TTC39B: variants seen among roughly 807,000 people sequenced by gnomAD.
TTC39B encodes the protein tetratricopeptide repeat domain 39B.
A neutral mutation model predicts 96.6 loss-of-function variants in TTC39B; 92 were observed. The observed-to-expected ratio is 0.95, with a 90% CI of 0.80 to 1.13. The LOEUF (loss-of-function observed/expected upper bound fraction) is 1.13, where lower values mean the gene tolerates loss of function less well. Among genes scored for constraint, TTC39B ranks in the 50% most tolerant of loss-of-function variants. The probability of loss-of-function intolerance (pLI) is 0.00; values close to 1 mark genes in which losing one functional copy is unlikely to be tolerated. For missense variants in TTC39B, 955 were observed against 809.3 expected (o/e 1.18, Z -2.18); for synonymous variants, 367 against 299.4 (o/e 1.23, Z -2.33).
intron 3 of TTC39B, among the ~76,000 whole-genome samples, chr9:15,214,634 T>A (rs1820411429): frequency 6.6e-6 from 1 of 152,182 alleles, no homozygotes; most frequent in Admixed American, 6.5e-5. Context: ...TAAGTTAGTT[T>A]TCCTGAATTT....
chr9:15,171,054 G>A (rs1320176578), exon 20 of TTC39B: 2 of 152,174 alleles, frequency 1.3e-5, no homozygotes, highest in African/African-American at 2.4e-5. Context: ...ACCATATGGA[G>A]TGTCAAGCTC....
intron 16 of TTC39B, chr9:15,183,244 T>C (rs1262660712): frequency 6.0e-6 from 2 of 333,850 alleles, no homozygotes; most frequent in East Asian, 2.0e-4. Context: ...CTTTATCTTA[T>C]GGCACCGAAA....
chr9:15,188,243 T>C, intron 13 of TTC39B, 111 bp from the exon 14 acceptor site: 3 of 1,033,776 alleles, frequency 2.9e-6, no homozygotes, highest in South Asian at 1.8e-5. Flanking sequence ...TTATCACTCA[T>C]TAAACCTCTC....
At chr9:15,281,525 T>C (rs1823760006) in intron 1 of TTC39B, among the ~76,000 whole-genome samples, 1 of 150,848 alleles carries the variant, frequency 6.6e-6, no homozygotes, top group Admixed American at 6.6e-5. Flanking sequence ...AATCTGTCCT[T>C]TTGGGGCAAT....
At chr9:15,206,423 G>A (rs1480838631) in intron 6 of TTC39B, among the ~76,000 whole-genome samples, 2 of 152,230 alleles carry the variant, frequency 1.3e-5, no homozygotes, top group African/African-American at 4.8e-5. Flanking sequence ...CACAAAGTCT[G>A]TTTGGGTTGC....
At chr9:15,289,586 C>T (rs999836494) in intron 1 of TTC39B, among the ~76,000 whole-genome samples, 16 of 152,198 alleles carry the variant, frequency 1.1e-4, no homozygotes, top group African/African-American at 3.9e-4. Context: ...ACCTCGCAAG[C>T]CTACCTATAT....
At chr9:15,211,433 C>T (rs750902023) in intron 4 of TTC39B, 36 bp from the exon 5 acceptor site, 1 of 1,435,920 alleles carries the variant, frequency 7.0e-7, no homozygotes. Flanking sequence ...CATTTTAATT[C>T]AATGGAAATA....
intron 2 of TTC39B, among the ~76,000 whole-genome samples, chr9:15,250,444 T>G (rs1050652323): frequency 3.3e-5 from 5 of 152,182 alleles, no homozygotes; most frequent in African/African-American, 1.2e-4. Context: ...CCTTTTGTCT[T>G]AAGGAAAAAT....
At chr9:15,171,023 C>T (rs1042861490) in exon 20 of TTC39B, 1 of 152,156 alleles carries the variant, frequency 6.6e-6, no homozygotes, top group African/African-American at 2.4e-5. Context: ...TCACTAATCG[C>T]TAATGGGTAG....
At chr9:15,286,828 A>G (rs1296484847) in intron 1 of TTC39B, among the ~76,000 whole-genome samples, 1 of 152,148 alleles carries the variant, frequency 6.6e-6, no homozygotes, top group Non-Finnish European at 1.5e-5. Flanking sequence ...GCACTCAAGG[A>G]TTCCTATTAC....
At chr9:15,282,900 T>C (rs1823819548) in intron 1 of TTC39B, among the ~76,000 whole-genome samples, 1 of 152,234 alleles carries the variant, frequency 6.6e-6, no homozygotes, top group Non-Finnish European at 1.5e-5. Flanking sequence ...AAGCAAATTT[T>C]GTAAATTCAA....
chr9:15,185,808 G>T (rs1294761345), intron 15 of TTC39B, among the ~76,000 whole-genome samples: 1 of 152,224 alleles, frequency 6.6e-6, no homozygotes, highest in Non-Finnish European at 1.5e-5. Context: ...GATACTCAGG[G>T]AGAGAGAAGA....
At chr9:15,212,744 G>A (rs143047000) in intron 4 of TTC39B, among the ~76,000 whole-genome samples, 10 of 152,264 alleles carry the variant, frequency 6.6e-5, no homozygotes, top group African/African-American at 2.4e-4. Flanking sequence ...ACAAAAATCG[G>A]AGACTAACCT....
rs550164766 is a variant in TTC39B at position 15,188,722 on chromosome 9, T to C, written c.1234-590A>G. Among the ~76,000 whole-genome samples the C allele has an allele frequency of 5.6e-4, 70 of 125,100 alleles. 1 individual carries two copies. Among genetic ancestry groups the C allele is most frequent in the African/African-American group, 2.0e-3 (57 of 28,810 alleles). The allele number at this position is 125,100 out of a possible 152,430, so 82.1% of individuals were successfully genotyped here. A position where few individuals can be genotyped will look rare whatever the true frequency, so the allele number is the denominator to read the frequency against. On this transcript the variant is annotated intron_variant, in intron 13 of 19. Transcript: ENST00000512701. Reference sequence around the variant, plus strand: ...TAATGTCCTGAGCCAGCAAAGAGCATTGGAAAAAAATATTTTTATATGTTT... The same window carrying C: ...TAATGTCCTGAGCCAGCAAAGAGCACTGGAAAAAAATATTTTTATATGTTT...
At chr9:15,195,878 G>C (rs508190) in intron 8 of TTC39B, among the ~76,000 whole-genome samples, 2,207 of 152,160 alleles carry the variant, frequency 0.015, 63 homozygotes, top group African/African-American at 0.05. Context: ...TCAACGCCTG[G>C]CTTCAAAACT....
At chr9:15,270,931 T>A (rs1265728458) in intron 1 of TTC39B, among the ~76,000 whole-genome samples, 4 of 152,182 alleles carry the variant, frequency 2.6e-5, no homozygotes, top group Non-Finnish European at 5.9e-5. Flanking sequence ...ACTGAGTACC[T>A]ATCATGTGCC....
At chr9:15,188,275 C>T (rs1290928967) in intron 13 of TTC39B, 143 bp from the exon 14 acceptor site, 2 of 772,726 alleles carry the variant, frequency 2.6e-6, no homozygotes, top group African/African-American at 1.8e-5. Flanking sequence ...ATGTTCTTTT[C>T]CTTACAGGCA....
rs74544309 is a variant in TTC39B, at chr9:15,258,927, G to C, written c.275+8987C>G. 1.2e-3 allele frequency among the ~76,000 whole-genome samples: 187 copies of C among 152,178 alleles called. 1 individual carries two copies. In the East Asian group the frequency reaches 0.028, roughly 23 times the overall value. The stretch of plus-strand genomic sequence containing the variant: ...TTATAGGATCTATATCTTAAAACGT[G>C]TACTACACACATTCTCCTTCCCCCT... On this transcript the variant is annotated intron_variant, in intron 2 of 19. Coordinates refer to ENST00000512701, the Ensembl canonical transcript of TTC39B.
intron 1 of TTC39B, among the ~76,000 whole-genome samples, chr9:15,275,213 G>C (rs1016354444): frequency 9.9e-5 from 15 of 152,072 alleles, no homozygotes; most frequent in Non-Finnish European, 1.9e-4. Context: ...AGCTAATTTT[G>C]TATTTTTAGT....
Sources: allele counts gnomAD v4.1 joint callset (sites outside exome capture counted in the v4.1 genomes callset), GRCh38; gene constraint gnomAD v4.1.1; transcripts MANE v1.5; gene names NCBI Gene and HGNC (gene_info 2026-07-23, HGNC 2026-07-21).